The following MFSD11 variants were observed in gnomAD, a reference collection of about 807,000 sequenced individuals.
MFSD11 encodes the protein major facilitator superfamily domain containing 11.
MFSD11 carries 36 observed loss-of-function variants against 53.5 expected under a neutral mutation model. The ratio of observed to expected loss-of-function variants is 0.67; its 90% CI spans 0.52 to 0.89. The LOEUF is 0.89. MFSD11 is among the 40% of genes least tolerant of loss of function. MFSD11 has a pLI of 0.00. For synonymous variants in MFSD11, 186 were observed against 184.9 expected, an observed-to-expected ratio of 1.01 and a Z score of -0.05; for missense variants, 530 against 543.9, an observed-to-expected ratio of 0.97 and a Z score of 0.25.
At chr17:76,798,719 A>G in the MFSD11 span, among the ~76,000 whole-genome samples, 4 of 152,158 alleles carry the variant, frequency 2.6e-5, no homozygotes, top group Non-Finnish European at 5.9e-5. Flanking sequence ...CTGTTGCTCT[A>G]TTATGATTTA....
downstream of MFSD11, among the ~76,000 whole-genome samples, chr17:76,783,152 C>CAA (rs753696509): frequency 0.05 from 5,431 of 109,420 alleles, 368 homozygotes; most frequent in African/African-American, 0.16. Flanking sequence ...ACTCCAGCTC[C>CAA]AAAAAAAAAA....
At chr17:76,743,080 T>C (rs1317702700) in intron 5 of MFSD11, among the ~76,000 whole-genome samples, 12 of 152,202 alleles carry the variant, frequency 7.9e-5, no homozygotes, top group Non-Finnish European at 4.4e-5. Flanking sequence ...AAAATTTAGC[T>C]TAAGCTTATT....
At chr17:76,782,565 A>G (rs1259095925), downstream of MFSD11, among the ~76,000 whole-genome samples, 12 of 122,224 alleles carry the variant, frequency 9.8e-5, no homozygotes, top group Admixed American at 1.0e-3. Flanking sequence ...TGCAACCTCC[A>G]CATCCCGGGT....
intron 12 of MFSD11, 25 bp from the exon 13 acceptor site, chr17:76,778,163 T>A (rs1206571383): frequency 2.5e-6 from 4 of 1,613,380 alleles, no homozygotes; most frequent in Middle Eastern, 1.6e-4. Flanking sequence ...GTGCGCCCGT[T>A]GTGATTTGTT....
chr17:76,768,158 G>T (rs1233320610), intron 9 of MFSD11, among the ~76,000 whole-genome samples: 1 of 151,894 alleles, frequency 6.6e-6, no homozygotes, highest in African/African-American at 2.4e-5. Context: ...CAAAAAATTA[G>T]CCGAGTATGG....
chr17:76,782,278 C>T (rs565991521), downstream of MFSD11, among the ~76,000 whole-genome samples: 30 of 151,994 alleles, frequency 2.0e-4, no homozygotes, highest in African/African-American at 6.5e-4. Context: ...TGGGTTCAAG[C>T]GATTCTCCTG....
chr17:76,769,807 TG>T lies in MFSD11; in HGVS notation c.812del (p.Gly271GlufsTer21). 2 of 1,613,286 alleles carry T rather than the reference TG, an allele frequency of 1.2e-6. No individual in the cohort carries two copies. Among genetic ancestry groups the T allele is most frequent in the Non-Finnish European group, 8.5e-7 (1 of 1,179,666 alleles). ...CCTGTATTGGTGCTACAAATAAATTTGGAGCAGAAGAGAAAAGCCTTATTGG... is the reference window on the plus strand; with the variant it reads ...CCTGTATTGGTGCTACAAATAAATTTGAGCAGAAGAGAAAAGCCTTATTGG... ...GTCIGATNKF[G>X]AEEKSLIGLS... On this transcript the variant is annotated frameshift_variant, in exon 10 of 13. Coordinates refer to ENST00000685175, the MANE Select transcript of MFSD11 (RefSeq NM_001242532.5). LOFTEE classifies it high-confidence loss of function.
At chr17:76,752,219 C>T (rs2079112243) in intron 7 of MFSD11, among the ~76,000 whole-genome samples, 2 of 152,216 alleles carry the variant, frequency 1.3e-5, no homozygotes, top group African/African-American at 2.4e-5. Flanking sequence ...AACCCACTTC[C>T]GTTTCCCATT....
chr17:76,762,890 C>A (rs1330334803), intron 8 of MFSD11, among the ~76,000 whole-genome samples: 4 of 149,862 alleles, frequency 2.7e-5, no homozygotes, highest in African/African-American at 9.8e-5. Flanking sequence ...TTTTTTTAAA[C>A]TCCCCACATT....
At chr17:76,769,634 G>A (rs2081205281) in intron 9 of MFSD11, 112 bp from the exon 10 acceptor site, 1 of 753,650 alleles carries the variant, frequency 1.3e-6, no homozygotes, top group Non-Finnish European at 2.1e-6. Flanking sequence ...CAGTCTCTGT[G>A]AGTTTTATGT....
chr17:76,757,086 T>C (rs2079727280), intron 8 of MFSD11, among the ~76,000 whole-genome samples: 1 of 152,092 alleles, frequency 6.6e-6, no homozygotes, highest in Admixed American at 6.6e-5. Flanking sequence ...TGACCTGGCT[T>C]ATGGGATGGT....
At chr17:76,802,559 G>A in the MFSD11 span, among the ~76,000 whole-genome samples, 1 of 152,226 alleles carries the variant, frequency 6.6e-6, no homozygotes, top group African/African-American at 2.4e-5. Flanking sequence ...TGCCATCCAC[G>A]TGTAAATGTA....
At chr17:76,780,111 A>C (rs951309701), downstream of MFSD11, among the ~76,000 whole-genome samples, 1 of 152,162 alleles carries the variant, frequency 6.6e-6, no homozygotes, top group African/African-American at 2.4e-5. Context: ...TCAAATCCAG[A>C]AACCATAAAA....
chr17:76,737,304 C>T (rs546220911), upstream of MFSD11: 13 of 1,140,744 alleles, frequency 1.1e-5, no homozygotes, highest in African/African-American at 1.6e-5. Flanking sequence ...GGACGGGCTC[C>T]GCAGGCTAGC....
downstream of MFSD11, among the ~76,000 whole-genome samples, chr17:76,782,647 T>G (rs1192182773): frequency 6.6e-6 from 1 of 150,784 alleles, no homozygotes; most frequent in African/African-American, 2.4e-5. Context: ...CCCGGCTAAT[T>G]TTTGTATTTT....
At chr17:76,798,236 C>T in the MFSD11 span, among the ~76,000 whole-genome samples, 68 of 152,170 alleles carry the variant, frequency 4.5e-4, no homozygotes, top group Non-Finnish European at 6.8e-4. Context: ...GAGGATACAA[C>T]TCAAGAAGAG....
chr17:76,767,821 C>T (rs1483379528), intron 9 of MFSD11, among the ~76,000 whole-genome samples: 1 of 152,148 alleles, frequency 6.6e-6, no homozygotes, highest in African/African-American at 2.4e-5. Context: ...TTCAGTCTAG[C>T]CCAGCATCAC....
the MFSD11 span, among the ~76,000 whole-genome samples, chr17:76,800,903 C>T: frequency 1.3e-5 from 2 of 151,654 alleles, no homozygotes; most frequent in African/African-American, 4.8e-5. Context: ...ATGATGAAAC[C>T]CCATTTGTAC....
intron 2 of MFSD11, 77 bp from the exon 3 acceptor site, chr17:76,740,880 G>A: frequency 1.2e-6 from 1 of 807,056 alleles, no homozygotes; most frequent in South Asian, 1.6e-5. Flanking sequence ...TAAACAAATG[G>A]ATTTTAAACA....
Sources: allele counts gnomAD v4.1 joint callset (sites outside exome capture counted in the v4.1 genomes callset), GRCh38; gene constraint gnomAD v4.1.1; transcripts MANE v1.5; gene names NCBI Gene and HGNC (gene_info 2026-07-23, HGNC 2026-07-21).